Variants in ASTN2 observed in about 807,000 individuals in gnomAD.
ASTN2 encodes the protein astrotactin-2.
In ASTN2, 54 loss-of-function variants were observed where a neutral mutation model predicts 139.8. The ratio of observed to expected loss-of-function variants is 0.39; its 90% confidence interval spans 0.31 to 0.48. The LOEUF (loss-of-function observed/expected upper bound fraction) is 0.48. Among genes scored for constraint, ASTN2 ranks in the 20% least tolerant of loss-of-function variants. The pLI is 0.95. For synonymous variants in ASTN2, 756 were observed against 719.5 expected, an observed-to-expected ratio of 1.05 and a Z score of -0.81; for missense variants, 1,565 against 1,725.1, an observed-to-expected ratio of 0.91 and a Z score of 1.64.
chr9:117,272,636 GA>G (rs1401090203), intron 2 of ASTN2, among the ~76,000 whole-genome samples: 1 of 152,152 alleles, frequency 6.6e-6, no homozygotes, highest in African/African-American at 2.4e-5. Flanking sequence ...TTGCTGCTTA[GA>G]AATTTCTTCT....
chr9:116,599,866 T>A (rs757592482), intron 19 of ASTN2, among the ~76,000 whole-genome samples: 10 of 152,190 alleles, frequency 6.6e-5, no homozygotes, highest in Non-Finnish European at 1.5e-4. Flanking sequence ...TTATTTTCTC[T>A]CTTCACCCTC....
chr9:116,521,932 T>C (rs1417319548), intron 19 of ASTN2, among the ~76,000 whole-genome samples: 2 of 152,006 alleles, frequency 1.3e-5, no homozygotes, highest in Admixed American at 1.3e-4. Context: ...TCACTAACTA[T>C]CAGAAAAATG....
intron 11 of ASTN2, among the ~76,000 whole-genome samples, chr9:116,827,163 G>T (rs1211308624): frequency 6.6e-6 from 1 of 151,790 alleles, no homozygotes; most frequent in Non-Finnish European, 1.5e-5. Context: ...TACAAAATTA[G>T]CCGGGTGCGG....
chr9:116,570,061 C>T (rs1300110072), intron 19 of ASTN2, among the ~76,000 whole-genome samples: 2 of 152,158 alleles, frequency 1.3e-5, no homozygotes, highest in Non-Finnish European at 2.9e-5. Flanking sequence ...GCAGATTACT[C>T]GGTTCGAATC....
At chr9:116,429,570 A>AATT (rs1847430727) in intron 22 of ASTN2, among the ~76,000 whole-genome samples, 1 of 152,174 alleles carries the variant, frequency 6.6e-6, no homozygotes, top group Admixed American at 6.5e-5. Flanking sequence ...CTTGGCACAA[A>AATT]GCAAGCACCT....
intron 12 of ASTN2, among the ~76,000 whole-genome samples, chr9:116,820,015 T>A (rs563345877): frequency 3.3e-5 from 5 of 152,334 alleles, no homozygotes; most frequent in African/African-American, 1.2e-4. Flanking sequence ...GTTCCCCTTT[T>A]AGCCTCATAC....
chr9:116,586,812 T>TCACACACACACACACACACA (rs141414264), intron 19 of ASTN2, among the ~76,000 whole-genome samples: 2,145 of 79,826 alleles, frequency 0.027, 44 homozygotes, highest in African/African-American at 0.038. Context: ...CAGTTGAAAT[T>TCACACACACACACACACACA]CACACACACA....
rs567676738 is a variant in ASTN2, at chr9:116,905,785, G to T, written c.1890-42052C>A. The stretch of plus-strand genomic sequence containing the variant: ...TGGAAGAGTGGGTGGCTTAAGGGTA[G>T]ACCTCCAATATTCACGGTGCTCAGG... On this transcript the variant is annotated intron_variant, in intron 10 of 22. Transcript: ENST00000313400. Among the ~76,000 whole-genome samples the T allele has an allele frequency of 2.8e-5, 4 of 142,666 alleles. No homozygotes were observed. The East Asian group carries it at 6.6e-4, about 23-fold the overall frequency. 93.6% of individuals were successfully genotyped at this position (142,666 alleles called of 152,430 possible).
intron 10 of ASTN2, among the ~76,000 whole-genome samples, chr9:116,922,906 A>T (rs1834652478): frequency 6.6e-6 from 1 of 152,202 alleles, no homozygotes; most frequent in South Asian, 2.1e-4. Context: ...TTCTTAAAAA[A>T]TGGTGGCTTA....
At chr9:116,987,904 A>G (rs1274130143) in intron 7 of ASTN2, among the ~76,000 whole-genome samples, 3 of 152,260 alleles carry the variant, frequency 2.0e-5, no homozygotes, top group Non-Finnish European at 4.4e-5. Context: ...ACCAGCAATT[A>G]GCATATACAG....
intron 22 of ASTN2, 71 bp from the exon 23 acceptor site, chr9:116,426,159 T>C (rs1010756038): frequency 1.8e-5 from 28 of 1,570,518 alleles, no homozygotes; most frequent in Non-Finnish European, 2.2e-5. Flanking sequence ...AGGTAGTAAA[T>C]GTCAACAAAC....
At chr9:116,559,842 C>A (rs1157492361) in intron 19 of ASTN2, among the ~76,000 whole-genome samples, 1 of 152,146 alleles carries the variant, frequency 6.6e-6, no homozygotes, top group African/African-American at 2.4e-5. Context: ...TATTACTCTG[C>A]CTTCTTATTC....
At chr9:117,093,842 C>T (rs1374131534) in intron 5 of ASTN2, among the ~76,000 whole-genome samples, 1 of 152,126 alleles carries the variant, frequency 6.6e-6, no homozygotes, top group Admixed American at 6.6e-5. Context: ...TCCCTGTGAT[C>T]CTGCAAAAAG....
rs138838717 is a variant in ASTN2, at chr9:116,664,014, T to C, written c.2807-12221A>G. Among the ~76,000 whole-genome samples, 165 of 152,282 alleles carry C rather than the reference T, an allele frequency of 1.1e-3. No homozygotes were observed. In the East Asian group the frequency reaches 0.015, roughly 14 times the overall value. ...AGTTATAAATTCTGGAAATTGAATA[T>C]TCAATTTCTGTTGCTTCTGCCCATT... On this transcript the variant is annotated intron_variant, in intron 16 of 22. Transcript: ENST00000313400.
chr9:116,698,921 T>C lies in ASTN2; in HGVS notation c.2806+26850A>G, dbSNP rs1009255684. ...TACTAGTCGCTGACCGTGGTAACTA[T>C]CGTATACAAGTCTTTACCCGCAAAG... is the stretch of plus-strand genomic sequence containing the variant. On this transcript the variant is annotated intron_variant, in intron 16 of 22. Coordinates refer to ENST00000313400, the MANE Select transcript of ASTN2 (RefSeq NM_001365068.1). This position sits in a 1 kb window ranked among gnomAD's most constrained non-coding sequence, Gnocchi z 4.4. 1.2e-6 allele frequency: 2 copies of C among 1,614,214 alleles called. No individual in the cohort carries two copies. The highest frequency in any genetic ancestry group is 1.1e-5 in the South Asian group (1 of 91,082).
intron 5 of ASTN2, among the ~76,000 whole-genome samples, chr9:117,052,394 A>G (rs565734205): frequency 1.2e-4 from 17 of 146,282 alleles, no homozygotes; most frequent in African/African-American, 3.6e-4. Context: ...GAGCTATCAC[A>G]CCACTGCACT....
At chr9:117,310,065 A>C (rs1827926891) in intron 1 of ASTN2, among the ~76,000 whole-genome samples, 3 of 152,174 alleles carry the variant, frequency 2.0e-5, no homozygotes, top group South Asian at 2.1e-4. Flanking sequence ...CAGGGTGTGC[A>C]GCCAATACTG....
In ASTN2 at chr9:117,319,307, A is replaced by C. The variant is rs558447658; in HGVS notation, c.443-27794T>G. On this transcript the variant is annotated intron_variant, in intron 1 of 22. Transcript: ENST00000313400. ...TGGGACACTTAGCATAGTAGAAATA[A>C]TAGTAATAAAACCTGGGTTCTACCA... is the stretch of plus-strand genomic sequence containing the variant. Among the ~76,000 whole-genome samples the C allele has an allele frequency of 2.0e-5, 3 of 152,330 alleles. No individual in the cohort carries two copies. In the South Asian group the frequency reaches 6.2e-4, roughly 32 times the overall value.
At position 117,302,379 on chromosome 9, in the gene ASTN2, T is replaced by A. The variant is rs145598684; in HGVS notation, c.443-10866A>T. On this transcript the variant is annotated intron_variant, in intron 1 of 22. Transcript: ENST00000313400. ...GCAACTTGCCTTAAATCACACAGCA[T>A]CATGATGCAGTGTTCTTCTGATCTC... Among the ~76,000 whole-genome samples, 363 of 152,192 alleles carry A rather than the reference T, an allele frequency of 2.4e-3. 1 individual carries two copies. Among genetic ancestry groups the A allele is most frequent in the African/African-American group, 8.3e-3 (343 of 41,518 alleles).
Sources: gnomAD v4.1 joint callset for allele counts (sites outside exome capture counted in the v4.1 genomes callset) on GRCh38, gnomAD v4.1.1 for gene constraint, Gnocchi (gnomAD v3.1) non-coding constraint, MANE v1.5 for transcripts, NCBI Gene and HGNC (gene_info 2026-07-23, HGNC 2026-07-21) for gene names.